The following RTKN2 variants were observed in gnomAD, a reference collection of about 807,000 sequenced individuals.
RTKN2 encodes rhotekin-2.
In RTKN2, 69 loss-of-function variants were observed where a neutral mutation model predicts 71.5. That is an observed-to-expected ratio of 0.96 (90% CI 0.79 to 1.18). The LOEUF is 1.18. RTKN2 is among the 50% of genes most tolerant of loss of function. The probability of loss-of-function intolerance (pLI) is 0.00; values close to 1 mark genes in which losing one functional copy is unlikely to be tolerated. For missense variants in RTKN2, 724 were observed against 719.7 expected (o/e 1.01, Z -0.07); for synonymous variants, 236 against 236.5 (o/e 1.00, Z 0.02).
rs1024102936 is a variant in RTKN2 at position 62,201,460 on chromosome 10, G to T, written c.1187-1599C>A. On this transcript the variant is annotated intron_variant, in intron 10 of 11. Coordinates refer to ENST00000373789, the MANE Select transcript of RTKN2 (RefSeq NM_145307.4). ...AATTCTTGAGTACAAGGCTTCAAAG[G>T]TTGATCTCTAGAATGTACATCTAGT... Among the ~76,000 whole-genome samples, 11 of 151,924 alleles carry T rather than the reference G, an allele frequency of 7.2e-5. 1 individual carries two copies. Among genetic ancestry groups the T allele is most frequent in the Admixed American group, 7.2e-4 (11 of 15,248 alleles).
intron 6 of RTKN2, among the ~76,000 whole-genome samples, chr10:62,235,774 C>T (rs952045519): frequency 2.0e-5 from 3 of 151,644 alleles, no homozygotes; most frequent in African/African-American, 7.3e-5. Flanking sequence ...TACAAATATT[C>T]CAAAATCTGA....
chr10:62,254,651 T>C (rs1401912164), intron 2 of RTKN2, among the ~76,000 whole-genome samples: 1 of 152,004 alleles, frequency 6.6e-6, no homozygotes, highest in Non-Finnish European at 1.5e-5. Context: ...AGAAATAAAA[T>C]AGATTAGGCT....
chr10:62,230,429 G>A (rs1486083581), intron 6 of RTKN2, among the ~76,000 whole-genome samples: 1 of 151,952 alleles, frequency 6.6e-6, no homozygotes. Flanking sequence ...CACCCACCTC[G>A]GCCTCCCAAA....
chr10:62,210,425 T>A (rs1841635481), intron 9 of RTKN2, among the ~76,000 whole-genome samples: 1 of 152,102 alleles, frequency 6.6e-6, no homozygotes, highest in African/African-American at 2.4e-5. Context: ...TTACCTTGAA[T>A]TTTTTTCCAA....
intron 1 of RTKN2, among the ~76,000 whole-genome samples, chr10:62,267,167 G>T (rs569575571): frequency 6.6e-6 from 1 of 152,310 alleles, no homozygotes; most frequent in South Asian, 2.1e-4. Flanking sequence ...AACTGAGGAA[G>T]TAATTCCACA....
Position 62,194,185 on chromosome 10 carries a change from A to G in RTKN2, c.*3723T>C. ...ATTACACAAGCATGTCAGAAAATCAACACACCCTAATATATTTTCAAATGA... is the reference window on the plus strand; with the variant it reads ...ATTACACAAGCATGTCAGAAAATCAGCACACCCTAATATATTTTCAAATGA... On this transcript the variant is annotated 3_prime_UTR_variant, in exon 12 of 12. Transcript: ENST00000373789. 3.1e-6 allele frequency: 3 copies of G among 983,174 alleles called. No homozygotes were observed. The highest frequency in any genetic ancestry group is 3.6e-6 in the Non-Finnish European group (3 of 827,854). 60.9% of individuals were successfully genotyped at this position (983,174 alleles called of 1,614,324 possible).
intron 6 of RTKN2, among the ~76,000 whole-genome samples, chr10:62,232,091 A>C (rs1842161013): frequency 6.6e-6 from 1 of 152,202 alleles, no homozygotes; most frequent in African/African-American, 2.4e-5. Flanking sequence ...AATGGTATCA[A>C]ATAAACAAAT....
chr10:62,191,263 A>C (rs1413257971), downstream of RTKN2, among the ~76,000 whole-genome samples: 1 of 152,076 alleles, frequency 6.6e-6, no homozygotes, highest in African/African-American at 2.4e-5. Context: ...CAGCTTCCCA[A>C]GTAGCTGGGA....
At position 62,197,481 on chromosome 10, in the gene RTKN2, G is replaced by A. The variant is rs765590321; in HGVS notation, c.*427C>T. On this transcript the variant is annotated 3_prime_UTR_variant, in exon 12 of 12. Transcript: ENST00000373789. ...TCTTGGGTGGATTCTATAATTTGTG[G>A]TTTGAATAAAACCTTTGAAACATTC... 1.0e-6 allele frequency: 1 copy of A among 986,218 alleles called. No homozygotes were observed. The highest frequency in any genetic ancestry group is 1.2e-6 in the Non-Finnish European group (1 of 830,030). 61.1% of individuals were successfully genotyped at this position (986,218 alleles called of 1,614,324 possible).
chr10:62,248,959 T>C (rs1020588166), intron 2 of RTKN2, among the ~76,000 whole-genome samples: 4 of 152,296 alleles, frequency 2.6e-5, no homozygotes, highest in Non-Finnish European at 5.9e-5. Context: ...TTACCTCTGA[T>C]ACAAATAAGT....
chr10:62,243,959 CG>C (rs1564522023), intron 3 of RTKN2, among the ~76,000 whole-genome samples: 1 of 152,026 alleles, frequency 6.6e-6, no homozygotes, highest in East Asian at 1.9e-4. Context: ...AATATAATTA[CG>C]GTAAATACTA....
intron 6 of RTKN2, among the ~76,000 whole-genome samples, chr10:62,233,980 T>C (rs750213877): frequency 7.9e-4 from 120 of 152,244 alleles, no homozygotes; most frequent in Middle Eastern, 3.4e-3. Context: ...TAAAACTATT[T>C]GTGAAGAAAC....
At chr10:62,239,329 G>T (rs552771866) in intron 5 of RTKN2, 18 of 176,928 alleles carry the variant, frequency 1.0e-4, no homozygotes, top group African/African-American at 2.6e-4. Context: ...AACATTACAG[G>T]ATATTCTGTT....
chr10:62,209,366 T>A lies in RTKN2; in HGVS notation c.1021-4344A>T, dbSNP rs1589341113. On this transcript the variant is annotated intron_variant, in intron 9 of 11. Transcript: ENST00000373789. ...CCTGCAGGATAAAAGATCAATTTCT[T>A]CAGCAAATAAATTGTCTATGGTGTG... Among the ~76,000 whole-genome samples the A allele has an allele frequency of 3.6e-5, 5 of 139,954 alleles. 1 individual carries two copies. In the Admixed American group the frequency reaches 3.7e-4, roughly 10 times the overall value. 91.8% of individuals were successfully genotyped at this position (139,954 alleles called of 152,430 possible).
At chr10:62,190,341 T>G (rs934243309), downstream of RTKN2, among the ~76,000 whole-genome samples, 1 of 152,198 alleles carries the variant, frequency 6.6e-6, no homozygotes, top group African/African-American at 2.4e-5. Flanking sequence ...AAATCCTGTC[T>G]CCACTTACTG....
intron 4 of RTKN2, among the ~76,000 whole-genome samples, chr10:62,240,417 T>C (rs1040706114): frequency 2.6e-5 from 4 of 152,156 alleles, no homozygotes; most frequent in Non-Finnish European, 5.9e-5. Context: ...TCTTTAGTAA[T>C]CAGAAAGCTT....
intron 2 of RTKN2, among the ~76,000 whole-genome samples, chr10:62,256,449 TAA>T (rs1233625741): frequency 3.9e-5 from 6 of 152,212 alleles, no homozygotes; most frequent in Non-Finnish European, 7.4e-5. Flanking sequence ...GAAAAAAAGA[TAA>T]ACAGTTTTCT....
downstream of RTKN2, among the ~76,000 whole-genome samples, chr10:62,191,140 T>A (rs1048105225): frequency 2.0e-5 from 3 of 152,222 alleles, no homozygotes; most frequent in African/African-American, 7.2e-5. Context: ...ACTTCTTAAC[T>A]CGTTAGTTTT....
intron 6 of RTKN2, among the ~76,000 whole-genome samples, chr10:62,228,999 G>A (rs964938795): frequency 2.6e-5 from 4 of 152,128 alleles, no homozygotes; most frequent in South Asian, 2.1e-4. Flanking sequence ...AGAATTGCTC[G>A]GTCATACTGG....
Sources: allele counts gnomAD v4.1 joint callset (sites outside exome capture counted in the v4.1 genomes callset), GRCh38; gene constraint gnomAD v4.1.1; transcripts MANE v1.5; gene names NCBI Gene and HGNC (gene_info 2026-07-23, HGNC 2026-07-21).